IL1RAPL2: variants seen among roughly 807,000 people sequenced by gnomAD.
IL1RAPL2 encodes X-linked interleukin-1 receptor accessory protein-like 2.
A neutral mutation model predicts 44.1 loss-of-function variants in IL1RAPL2; 3 were observed. That is an observed-to-expected ratio of 0.07 (90% confidence interval 0.03 to 0.18). The LOEUF (loss-of-function observed/expected upper bound fraction) is 0.18, where lower values mean the gene tolerates loss of function less well. Ranked by LOEUF, IL1RAPL2 falls within the 10% of genes least tolerant of loss-of-function variation. The pLI is 1.00. For missense variants in IL1RAPL2, 391 were observed against 496.4 expected (o/e 0.79, Z 2.02); for synonymous variants, 181 against 178.8 (o/e 1.01, Z -0.10).
chrX:104,637,814 G>A (rs916694662), intron 1 of IL1RAPL2, among the ~76,000 whole-genome samples: 3 of 109,978 alleles, frequency 2.7e-5, no homozygotes, highest in African/African-American at 9.9e-5. Flanking sequence ...GTGTGTGTGT[G>A]TGTGTGTGTC....
chrX:105,725,506 A>T (rs913553337), intron 7 of IL1RAPL2, among the ~76,000 whole-genome samples: 10 of 111,284 alleles, frequency 9.0e-5, no homozygotes, highest in Non-Finnish European at 1.7e-4. Context: ...GAAATGCTCT[A>T]ATAAAGAGGG....
At chrX:105,281,979 T>A (rs2034536035) in intron 5 of IL1RAPL2, among the ~76,000 whole-genome samples, 1 of 107,316 alleles carries the variant, frequency 9.3e-6, no homozygotes, top group Non-Finnish European at 1.9e-5. Flanking sequence ...TTTACAGAGC[T>A]TGAATGGAAA....
At chrX:105,709,992 AAACAATAAC>A (rs755656779) in intron 6 of IL1RAPL2, among the ~76,000 whole-genome samples, 3 of 111,106 alleles carry the variant, frequency 2.7e-5, no homozygotes, top group East Asian at 2.8e-4. Flanking sequence ...TTGTGTACCA[AAACAATAAC>A]AACAATAACA....
chrX:105,404,748 C>T (rs765868885), intron 5 of IL1RAPL2, among the ~76,000 whole-genome samples: 1 of 111,959 alleles, frequency 8.9e-6, no homozygotes, highest in South Asian at 3.7e-4. Flanking sequence ...AGGTATTTTT[C>T]TTCATAGCTT....
intron 2 of IL1RAPL2, among the ~76,000 whole-genome samples, chrX:105,171,325 G>A (rs1244973039): frequency 9.0e-6 from 1 of 110,828 alleles, no homozygotes; most frequent in Non-Finnish European, 1.9e-5. Flanking sequence ...CCCAGGATGT[G>A]AATGCAGAAG....
At chrX:105,521,580 C>T (rs938420836) in intron 6 of IL1RAPL2, among the ~76,000 whole-genome samples, 6 of 111,419 alleles carry the variant, frequency 5.4e-5, no homozygotes, top group African/African-American at 2.0e-4. Flanking sequence ...TTAATAATCC[C>T]CATGTTTCAT....
chrX:105,100,744 G>T (rs1293128774), intron 2 of IL1RAPL2, among the ~76,000 whole-genome samples: 4 of 111,479 alleles, frequency 3.6e-5, no homozygotes, highest in Non-Finnish European at 3.8e-5. Context: ...AAAAATATCA[G>T]GATGATTGAA....
At chrX:105,483,045 TA>T (rs5903267) in intron 5 of IL1RAPL2, among the ~76,000 whole-genome samples, 338 of 96,750 alleles carry the variant, frequency 3.5e-3, no homozygotes, top group Non-Finnish European at 3.1e-3. Context: ...GTCCTCTCAT[TA>T]AAAAAAAAAA....
intron 2 of IL1RAPL2, among the ~76,000 whole-genome samples, chrX:105,015,310 G>T (rs1164214351): frequency 9.0e-6 from 1 of 111,223 alleles, no homozygotes; most frequent in East Asian, 2.8e-4. Context: ...GAGCTCTTTA[G>T]TTTAATTAGA....
chrX:104,694,369 C>A (rs1315298918), intron 2 of IL1RAPL2, among the ~76,000 whole-genome samples: 1 of 112,030 alleles, frequency 8.9e-6, no homozygotes, highest in Non-Finnish European at 1.9e-5. Flanking sequence ...AATAGCCTGA[C>A]CATTCACTAG....
At chrX:105,586,741 C>T (rs1007794069) in intron 6 of IL1RAPL2, among the ~76,000 whole-genome samples, 2 of 112,267 alleles carry the variant, frequency 1.8e-5, no homozygotes, top group Non-Finnish European at 3.8e-5. Context: ...ATATAGTTTC[C>T]TTCCATGCAT....
intron 1 of IL1RAPL2, among the ~76,000 whole-genome samples, chrX:104,641,467 C>T (rs1282585676): frequency 1.8e-5 from 2 of 112,056 alleles, no homozygotes. Flanking sequence ...TGCCGAGTCC[C>T]TGCCACTGGA....
At chrX:104,860,026 G>T (rs1457707520) in intron 2 of IL1RAPL2, among the ~76,000 whole-genome samples, 3 of 112,075 alleles carry the variant, frequency 2.7e-5, no homozygotes, top group African/African-American at 9.7e-5. Flanking sequence ...TTTTAAAAAG[G>T]CATTTAGCTC....
chrX:104,599,650 GCACACACACACACACACACACACA>G (rs35769134), intron 1 of IL1RAPL2, among the ~76,000 whole-genome samples: 52 of 86,170 alleles, frequency 6.0e-4, no homozygotes, highest in African/African-American at 1.9e-3. Flanking sequence ...GATGGATTTA[GCACACACACACACACACACACACA>G]CACACACACA....
In IL1RAPL2 at chrX:105,624,228, A is replaced by G. The variant is rs746518131; in HGVS notation, c.773-93139A>G. On this transcript the variant is annotated intron_variant, in intron 6 of 10. Coordinates refer to ENST00000372582, the MANE Select transcript of IL1RAPL2 (RefSeq NM_017416.2). Reference sequence around the variant, plus strand: ...GAAGATTAGGCTGGAGCTACATAGCACCAGGCGATTGTGCTGAACTGATGC... The same window carrying G: ...GAAGATTAGGCTGGAGCTACATAGCGCCAGGCGATTGTGCTGAACTGATGC... Among the ~76,000 whole-genome samples the G allele has an allele frequency of 4.5e-5, 5 of 111,305 alleles. No homozygotes were observed. The South Asian group carries it at 1.9e-3, about 43-fold the overall frequency.
chrX:104,570,335 G>A (rs1928122380), intron 1 of IL1RAPL2, among the ~76,000 whole-genome samples: 1 of 111,731 alleles, frequency 9.0e-6, no homozygotes, highest in South Asian at 3.8e-4. Flanking sequence ...TTGAAAATAA[G>A]CCTCTCATTA....
At chrX:105,232,092 G>A (rs2034076453) in intron 3 of IL1RAPL2, among the ~76,000 whole-genome samples, 1 of 111,984 alleles carries the variant, frequency 8.9e-6, no homozygotes, top group African/African-American at 3.2e-5. Flanking sequence ...TACATAGTGT[G>A]ATGGGGTTGC....
chrX:105,740,482 C>T, intron 7 of IL1RAPL2, 64 bp from the exon 8 acceptor site: 3 of 1,114,791 alleles, frequency 2.7e-6, no homozygotes, highest in Non-Finnish European at 2.5e-6. Flanking sequence ...CATCTGTAGT[C>T]TTGGCATGGC....
intron 2 of IL1RAPL2, among the ~76,000 whole-genome samples, chrX:104,674,957 T>A (rs1376886194): frequency 1.8e-5 from 2 of 111,589 alleles, no homozygotes; most frequent in African/African-American, 3.3e-5. Flanking sequence ...CCCTTTATAA[T>A]TTTTTATTGC....
Sources: gnomAD v4.1 joint callset for allele counts (sites outside exome capture counted in the v4.1 genomes callset) on GRCh38, gnomAD v4.1.1 for gene constraint, MANE v1.5 for transcripts, NCBI Gene and HGNC (gene_info 2026-07-23, HGNC 2026-07-21) for gene names.